The following KICS2 variants were observed in gnomAD, a reference collection of about 807,000 sequenced individuals.
KICS2 encodes KICSTOR subunit 2.
In KICS2, 13 loss-of-function variants were observed where a neutral mutation model predicts 31.4. The ratio of observed to expected loss-of-function variants is 0.41; its 90% confidence interval spans 0.27 to 0.66. The LOEUF is 0.66. KICS2 is among the 30% of genes least tolerant of loss of function. KICS2 has a pLI of 0.28. For synonymous variants in KICS2, 209 were observed against 214.8 expected (o/e 0.97, Z 0.24); for missense variants, 455 against 545.4 (o/e 0.83, Z 1.65).
intron 2 of KICS2, among the ~76,000 whole-genome samples, chr12:64,212,701 G>A (rs1592387533): frequency 6.6e-6 from 1 of 152,094 alleles, no homozygotes; most frequent in African/African-American, 2.4e-5. Context: ...ATATACCTAG[G>A]AGTAGAATTG....
intron 2 of KICS2, among the ~76,000 whole-genome samples, chr12:64,195,890 G>A (rs567989797): frequency 1.8e-3 from 281 of 152,354 alleles, no homozygotes; most frequent in African/African-American, 6.6e-3. Context: ...GCGCTTTTCT[G>A]ACTGACTTAA....
rs957468290 is a variant in KICS2 at position 64,193,204 on chromosome 12, T to C, written c.*638A>G. ...GTGTACATTACCCCAAAAGAACCCATGGCTATTAAAGCTGCCATGAGGATC... is the reference window on the plus strand; with the variant it reads ...GTGTACATTACCCCAAAAGAACCCACGGCTATTAAAGCTGCCATGAGGATC... On this transcript the variant is annotated 3_prime_UTR_variant, in exon 3 of 3. Coordinates refer to ENST00000398055, the MANE Select transcript of KICS2 (RefSeq NM_152440.5). 2.1e-5 allele frequency: 21 copies of C among 985,358 alleles called. No individual in the cohort carries two copies. The highest frequency in any genetic ancestry group is 1.1e-4 in the East Asian group (1 of 8,820). 61.0% of individuals were successfully genotyped at this position (985,358 alleles called of 1,614,324 possible).
At chr12:64,221,572 C>CT (rs2037683513) in intron 1 of KICS2, 1 of 192,152 alleles carries the variant, frequency 5.2e-6, no homozygotes, top group African/African-American at 2.3e-5. Flanking sequence ...GGGTAGGACT[C>CT]TAAATGTGAC....
chr12:64,211,387 G>T (rs539475175), intron 2 of KICS2, among the ~76,000 whole-genome samples: 1 of 152,142 alleles, frequency 6.6e-6, no homozygotes, highest in African/African-American at 2.4e-5. Flanking sequence ...AGGCTGAGGT[G>T]GGGGGATCAT....
intron 2 of KICS2, among the ~76,000 whole-genome samples, chr12:64,207,287 G>T: frequency 9.8e-6 from 1 of 102,548 alleles, no homozygotes; most frequent in African/African-American, 3.9e-5. Flanking sequence ...CAAGGTGATA[G>T]AGCCAACTCG....
At chr12:64,214,703 C>A (rs1378442288) in intron 2 of KICS2, among the ~76,000 whole-genome samples, 2 of 151,884 alleles carry the variant, frequency 1.3e-5, no homozygotes, top group African/African-American at 4.8e-5. Context: ...CATGATGAAA[C>A]CCCATCTCTA....
rs887040844 is a variant in KICS2, at chr12:64,193,042, A to G, written c.*800T>C. On this transcript the variant is annotated 3_prime_UTR_variant, in exon 3 of 3. Coordinates refer to ENST00000398055, the MANE Select transcript of KICS2 (RefSeq NM_152440.5). ...GAGTAGAGCCAAACATGTACATTTC[A>G]GCAGAAAAGTGATAAACAGAAAGCG... The G allele has an allele frequency of 3.0e-6, 3 of 985,370 alleles. No individual in the cohort carries two copies. The highest frequency in any genetic ancestry group is 3.6e-6 in the Non-Finnish European group (3 of 829,946). 61.0% of individuals were successfully genotyped at this position (985,370 alleles called of 1,614,324 possible). A position where few individuals can be genotyped will look rare whatever the true frequency, so the allele number is the denominator to read the frequency against.
rs1274517223 is a variant in KICS2 at position 64,199,674 on chromosome 12, CA to C, written c.522-5017del. Among the ~76,000 whole-genome samples, 6 of 145,840 alleles carry C rather than the reference CA, an allele frequency of 4.1e-5. No homozygotes were observed. In the Admixed American group the frequency reaches 4.1e-4, roughly 10 times the overall value. On this transcript the variant is annotated intron_variant, in intron 2 of 2. Coordinates refer to ENST00000398055, the MANE Select transcript of KICS2 (RefSeq NM_152440.5). ...GAGGAAGTCAAATTGTCCCTGTTTG[CA>C]GATGACATGATTCTATATCTAGAAA...
Position 64,198,917 on chromosome 12 carries a change from C to G in KICS2, c.522-4259G>C, listed in dbSNP as rs572586027. Among the ~76,000 whole-genome samples the G allele has an allele frequency of 3.4e-4, 51 of 151,602 alleles. 1 individual carries two copies. Among genetic ancestry groups the G allele is most frequent in the African/African-American group, 1.1e-3 (47 of 41,020 alleles). On this transcript the variant is annotated intron_variant, in intron 2 of 2. Transcript: ENST00000398055. ...ACTAAACCAGGAAGAAGTTGAATCT[C>G]TTAATAGACCAATAACAGGAGCTGA...
chr12:64,201,666 A>C (rs1565716314), intron 2 of KICS2, among the ~76,000 whole-genome samples: 1 of 151,764 alleles, frequency 6.6e-6, no homozygotes, highest in Admixed American at 6.6e-5. Flanking sequence ...AACATGGTGA[A>C]ATCCCAACCT....
At chr12:64,201,919 T>C (rs2037494077) in intron 2 of KICS2, among the ~76,000 whole-genome samples, 1 of 152,150 alleles carries the variant, frequency 6.6e-6, no homozygotes, top group Admixed American at 6.5e-5. Context: ...CCATTTATCT[T>C]AGGATAAAAC....
downstream of KICS2, among the ~76,000 whole-genome samples, chr12:64,188,973 T>C (rs1471253071): frequency 6.6e-6 from 1 of 151,954 alleles, no homozygotes; most frequent in African/African-American, 2.4e-5. Context: ...GCCAACATAG[T>C]GAAACCCCAA....
Position 64,194,554 on chromosome 12 carries a change from A to T in KICS2, c.626T>A (p.Phe209Tyr), listed in dbSNP as rs777059739. The T allele has an allele frequency of 6.2e-7, 1 of 1,614,080 alleles. No individual in the cohort carries two copies. Among genetic ancestry groups the T allele is most frequent in the East Asian group, 2.2e-5 (1 of 44,876 alleles). Reference sequence around the variant, plus strand: ...GTGTAAATTAACCAGAGATGGGAGGAACTTCCACTCTGAGACCTGGGCCTG... The same window carrying T: ...GTGTAAATTAACCAGAGATGGGAGGTACTTCCACTCTGAGACCTGGGCCTG... ...KAQAQVSEWK[F>Y]LPSLVNLHSA... The change falls in exon 3 of 3, where the codon TTC becomes TAC. Residue 209 changes from phenylalanine to tyrosine, a missense_variant. Transcript: ENST00000398055.
At chr12:64,196,281 G>A (rs1321436358) in intron 2 of KICS2, among the ~76,000 whole-genome samples, 1 of 119,138 alleles carries the variant, frequency 8.4e-6, no homozygotes, top group African/African-American at 2.9e-5. Context: ...TCCTCAAGTG[G>A]GTTCCTGACC....
Position 64,192,592 on chromosome 12 carries a change from C to T in KICS2, c.*1250G>A, listed in dbSNP as rs2037389631. 1 of 985,062 alleles carries T rather than the reference C, an allele frequency of 1.0e-6. No homozygotes were observed. Among genetic ancestry groups the T allele is most frequent in the East Asian group, 1.1e-4 (1 of 8,818 alleles). 61.0% of individuals were successfully genotyped at this position (985,062 alleles called of 1,614,324 possible). A position where few individuals can be genotyped will look rare whatever the true frequency, so the allele number is the denominator to read the frequency against. On this transcript the variant is annotated 3_prime_UTR_variant, in exon 3 of 3. Coordinates refer to ENST00000398055, the MANE Select transcript of KICS2 (RefSeq NM_152440.5). Reference sequence around the variant, plus strand: ...GGAAAAAAGACGAATATGACCATTACATTTCACACAAGCTTCAAAGGAACC... The same window carrying T: ...GGAAAAAAGACGAATATGACCATTATATTTCACACAAGCTTCAAAGGAACC...
rs1555180922 is a variant in KICS2 at position 64,194,946 on chromosome 12, T to TTA, written c.522-289_522-288insTA. On this transcript the variant is annotated intron_variant, in intron 2 of 2. Transcript: ENST00000398055. ...AATTAGCTACAATTCATTTTTTTTT[T>TTA]TTTATTTATTTATTTTAGACTGGTT... 2.4e-3 allele frequency among the ~76,000 whole-genome samples: 365 copies of TTA among 151,826 alleles called. 1 individual carries two copies. Among genetic ancestry groups the TTA allele is most frequent in the East Asian group, 4.4e-3 (23 of 5,170 alleles).
chr12:64,195,699 C>T (rs1328150429), intron 2 of KICS2, among the ~76,000 whole-genome samples: 2 of 152,278 alleles, frequency 1.3e-5, no homozygotes, highest in Admixed American at 6.5e-5. Context: ...CCGGGTTCAT[C>T]TCACTAGGGA....
rs573757017 is a variant in KICS2, at chr12:64,205,017, T to C, written c.522-10359A>G. 2.6e-5 allele frequency: 4 copies of C among 152,344 alleles called. No homozygotes were observed. In the East Asian group the frequency reaches 7.7e-4, roughly 29 times the overall value. The allele number at this position is 152,344 out of a possible 1,614,324, so 9.4% of individuals were successfully genotyped here. ...CTTAGCTTTTAGGCCCCTTGACACT[T>C]ATAAGCATTAAATATCACAATCTTC... On this transcript the variant is annotated intron_variant, in intron 2 of 2. Transcript: ENST00000398055.
downstream of KICS2, among the ~76,000 whole-genome samples, chr12:64,188,608 A>C (rs770466548): frequency 6.6e-6 from 1 of 151,928 alleles, no homozygotes; most frequent in Non-Finnish European, 1.5e-5. Context: ...GGAGAGGGAG[A>C]GGAAAAAATG....
Sources: allele counts gnomAD v4.1 joint callset (sites outside exome capture counted in the v4.1 genomes callset), GRCh38; gene constraint gnomAD v4.1.1; transcripts MANE v1.5; gene names NCBI Gene and HGNC (gene_info 2026-07-23, HGNC 2026-07-21).